CACNA1C: variants seen among roughly 807,000 people sequenced by gnomAD.
CACNA1C encodes the protein calcium voltage-gated channel subunit alpha1 C.
A neutral mutation model predicts 229.0 loss-of-function variants in CACNA1C; 30 were observed. That is an observed-to-expected ratio of 0.13 (90% confidence interval 0.10 to 0.18). CACNA1C has a LOEUF of 0.18. CACNA1C is among the 10% of genes least tolerant of loss of function. CACNA1C has a pLI of 1.00. For synonymous variants in CACNA1C, 1,114 were observed against 1,132.5 expected (o/e 0.98, Z 0.33); for missense variants, 1,658 against 2,845.0 (o/e 0.58, Z 9.49).
chr12:2,566,446 G>A lies in CACNA1C; in HGVS notation c.1533G>A (p.Arg511=), dbSNP rs922104295. 6.3e-7 allele frequency: 1 copy of A among 1,596,540 alleles called. No homozygotes were observed. The highest frequency in any genetic ancestry group is 8.5e-7 in the Non-Finnish European group (1 of 1,171,454). ...GCCGCTACTGGCGCCGGTGGAATCGGTTCTGCAGAAGGAAGTGCCGCGCCG... is the reference window on the plus strand; with the variant it reads ...GCCGCTACTGGCGCCGGTGGAATCGATTCTGCAGAAGGAAGTGCCGCGCCG... ...KFSRYWRRWN[R]FCRRKCRAAV... Residue 511 remains arginine, a synonymous_variant, in exon 12 of 47, where the codon CGG becomes CGA. Coordinates refer to ENST00000399655, the MANE Select transcript of CACNA1C (RefSeq NM_000719.7). This position sits in a 1 kb window ranked among gnomAD's most constrained non-coding sequence, Gnocchi z 4.0.
In CACNA1C at chr12:2,654,433, G is replaced by A. The variant is rs1472315520; in HGVS notation, c.4140+533G>A. On this transcript the variant is annotated intron_variant, in intron 33 of 46. Transcript: ENST00000399655. The surrounding 1 kb of genome is among the most constrained non-coding windows in gnomAD (Gnocchi z 4.4). ...AGTTTTCTGGGGCCTCCCCTCCCAG[G>A]TGCCCACTGCACCATTCACCGCAAA... is the stretch of plus-strand genomic sequence containing the variant. Among the ~76,000 whole-genome samples the A allele has an allele frequency of 2.6e-5, 4 of 152,180 alleles. No homozygotes were observed. The highest frequency in any genetic ancestry group is 9.7e-5 in the African/African-American group (4 of 41,448).
intron 3 of CACNA1C, among the ~76,000 whole-genome samples, chr12:2,153,195 T>C (rs1475862635): frequency 6.6e-6 from 1 of 152,186 alleles, no homozygotes; most frequent in Non-Finnish European, 1.5e-5. Flanking sequence ...GCAAAGCCTA[T>C]TGGGACTTGC....
At chr12:2,537,825 T>G (rs1174059352) in intron 9 of CACNA1C, among the ~76,000 whole-genome samples, 1 of 151,964 alleles carries the variant, frequency 6.6e-6, no homozygotes, top group Non-Finnish European at 1.5e-5. Flanking sequence ...TCAGATAGCC[T>G]GTTTTCCCCA....
chr12:2,392,004 C>G (rs1444745205), intron 3 of CACNA1C, among the ~76,000 whole-genome samples: 2 of 152,346 alleles, frequency 1.3e-5, no homozygotes, highest in East Asian at 3.9e-4. Flanking sequence ...GTTTTAAACT[C>G]TGCGTTTCAC....
chr12:2,677,602 C>T lies in CACNA1C; in HGVS notation c.4957-131C>T. 9 of 1,045,448 alleles carry T rather than the reference C, an allele frequency of 8.6e-6. No individual in the cohort carries two copies. Among genetic ancestry groups the T allele is most frequent in the Non-Finnish European group, 1.3e-5 (9 of 707,028 alleles). 64.8% of individuals were successfully genotyped at this position (1,045,448 alleles called of 1,614,324 possible). On this transcript the variant is annotated intron_variant, in intron 40 of 46. Transcript: ENST00000399655. The surrounding 1 kb of genome is among the most constrained non-coding windows in gnomAD (Gnocchi z 7.4). ...CCCAGTTCACACACACACAAACCTT[C>T]CGGAGGGTCGACTGGCTGGGTGGAG...
chr12:2,508,948 G>A (rs1039999450), intron 8 of CACNA1C, among the ~76,000 whole-genome samples: 2 of 152,194 alleles, frequency 1.3e-5, no homozygotes, highest in South Asian at 2.1e-4. Context: ...TAAAGACAAC[G>A]GTGATGATGA....
chr12:2,674,026 T>A (rs1471239950), intron 38 of CACNA1C, among the ~76,000 whole-genome samples: 1 of 152,114 alleles, frequency 6.6e-6, no homozygotes, highest in Non-Finnish European at 1.5e-5. Context: ...AAGGCAGGCA[T>A]CTAAGTAGGG....
chr12:2,340,952 G>A (rs946249759), intron 3 of CACNA1C, among the ~76,000 whole-genome samples: 1 of 140,834 alleles, frequency 7.1e-6, no homozygotes, highest in Non-Finnish European at 1.5e-5. Context: ...GTGAGACTCC[G>A]TCTCAAAAAA....
chr12:1,975,866 G>C (rs2034184278), intron 1 of CACNA1C, among the ~76,000 whole-genome samples: 1 of 152,138 alleles, frequency 6.6e-6, no homozygotes, highest in Admixed American at 6.6e-5. Flanking sequence ...CTCTCCGTGA[G>C]TCCCCTGGCA....
intron 3 of CACNA1C, among the ~76,000 whole-genome samples, chr12:2,316,536 CTT>C (rs2095699559): frequency 6.6e-6 from 1 of 152,182 alleles, no homozygotes; most frequent in Non-Finnish European, 1.5e-5. Context: ...TTACTTGAGA[CTT>C]TGCTTTAGCT....
Position 2,120,269 on chromosome 12 carries a change from A to T in CACNA1C, c.372-56A>T, listed in dbSNP as rs946149061. 8 of 870,238 alleles carry T rather than the reference A, an allele frequency of 9.2e-6. No homozygotes were observed. The South Asian group carries it at 9.3e-5, about 10-fold the overall frequency. The allele number at this position is 870,238 out of a possible 1,614,324, so 53.9% of individuals were successfully genotyped here. A position where few individuals can be genotyped will look rare whatever the true frequency, so the allele number is the denominator to read the frequency against. On this transcript the variant is annotated intron_variant, in intron 2 of 46. Transcript: ENST00000399655. Reference sequence around the variant, plus strand: ...ATTCATTTTAAAAAATATGTAGATTATGTTTGTTTCACTTGTACTTTCTGT... The same window carrying T: ...ATTCATTTTAAAAAATATGTAGATTTTGTTTGTTTCACTTGTACTTTCTGT...
intron 1 of CACNA1C, chr12:2,004,274 G>C (rs758527838): frequency 1.9e-6 from 3 of 1,612,704 alleles, no homozygotes; most frequent in Admixed American, 1.7e-5. Flanking sequence ...CGCCGCGTCC[G>C]CACGCACCCA....
chr12:2,433,760 C>T (rs1054981227), intron 3 of CACNA1C, among the ~76,000 whole-genome samples: 4 of 152,144 alleles, frequency 2.6e-5, no homozygotes, highest in Admixed American at 6.5e-5. Flanking sequence ...TTAGTCCTGC[C>T]GACTTCCTTC....
At chr12:1,995,830 G>A (rs2040666868) in intron 1 of CACNA1C, among the ~76,000 whole-genome samples, 1 of 152,130 alleles carries the variant, frequency 6.6e-6, no homozygotes, top group Non-Finnish European at 1.5e-5. Context: ...TTTATTTCAT[G>A]GTTTCAACTA....
chr12:2,578,136 G>A (rs2059221052), intron 13 of CACNA1C, among the ~76,000 whole-genome samples: 1 of 152,118 alleles, frequency 6.6e-6, no homozygotes, highest in African/African-American at 2.4e-5. Context: ...CCAAAGTGCT[G>A]GGATTACAGG....
chr12:2,588,621 CCATCGAGGCCAGCCA>C (rs2063658719), intron 18 of CACNA1C, among the ~76,000 whole-genome samples: 1 of 152,216 alleles, frequency 6.6e-6, no homozygotes, highest in African/African-American at 2.4e-5. Context: ...CAACAAGGGG[CCATCGAGGCCAGCCA>C]TGGCCCTAGA....
chr12:2,527,293 A>G (rs1013614330), intron 9 of CACNA1C, among the ~76,000 whole-genome samples: 1 of 152,226 alleles, frequency 6.6e-6, no homozygotes, highest in Non-Finnish European at 1.5e-5. Flanking sequence ...CAGCACTGTT[A>G]AAGAATGATT....
chr12:2,525,783 G>A (rs1326354223), intron 9 of CACNA1C, among the ~76,000 whole-genome samples: 1 of 152,220 alleles, frequency 6.6e-6, no homozygotes, highest in Non-Finnish European at 1.5e-5. Flanking sequence ...GACAGCTGCA[G>A]TGTTTCCAGA....
intron 1 of CACNA1C, among the ~76,000 whole-genome samples, chr12:2,039,878 A>T (rs1420291024): frequency 1.3e-5 from 2 of 152,100 alleles, no homozygotes; most frequent in Admixed American, 1.3e-4. Context: ...GTGGGGCATC[A>T]TGTCAGTGTT....
Sources: allele counts gnomAD v4.1 joint callset (sites outside exome capture counted in the v4.1 genomes callset), GRCh38; gene constraint gnomAD v4.1.1; non-coding constraint Gnocchi (gnomAD v3.1); transcripts MANE v1.5; gene names NCBI Gene and HGNC (gene_info 2026-07-23, HGNC 2026-07-21).